Variants in EIF2AK3 observed in about 807,000 individuals in gnomAD.
EIF2AK3 encodes eukaryotic translation initiation factor 2-alpha kinase 3.
In EIF2AK3, 50 loss-of-function variants were observed where a neutral mutation model predicts 113.5. The observed-to-expected ratio is 0.44, with a 90% CI of 0.35 to 0.56. EIF2AK3 has a LOEUF of 0.56. Among genes scored for constraint, EIF2AK3 ranks in the 20% least tolerant of loss-of-function variants. The pLI, the probability that EIF2AK3 is intolerant of heterozygous loss-of-function variation, is 0.00. For missense variants in EIF2AK3, 1,185 were observed against 1,378.0 expected, an observed-to-expected ratio of 0.86 and a Z score of 2.22; for synonymous variants, 448 against 495.4, an observed-to-expected ratio of 0.90 and a Z score of 1.27.
chr2:88,575,345 G>A lies in EIF2AK3; in HGVS notation c.2138C>T (p.Ala713Val). 2 of 1,614,148 alleles carry A rather than the reference G, an allele frequency of 1.2e-6. No homozygotes were observed. The highest frequency in any genetic ancestry group is 1.3e-5 in the African/African-American group (1 of 75,046). ...AGACCTGCTTCTTTGTGGTGAAGGA[G>A]CTATGATTTCAATATGTTCTTTTGT... ...FATKEHIEII[A>V]PSPQRSRSFS... Residue 713 changes from alanine to valine, a missense_variant, in exon 13 of 17, where the codon GCT becomes GTT. Ala to Val is a moderately conservative substitution (Grantham distance 64). Coordinates refer to ENST00000303236, the MANE Select transcript of EIF2AK3 (RefSeq NM_004836.7).
intron 14 of EIF2AK3, among the ~76,000 whole-genome samples, chr2:88,569,898 T>C (rs1674246821): frequency 6.6e-6 from 1 of 152,232 alleles, no homozygotes; most frequent in Non-Finnish European, 1.5e-5. Flanking sequence ...TTTCCTCATG[T>C]ACTTCAGCCA....
intron 15 of EIF2AK3, among the ~76,000 whole-genome samples, chr2:88,561,859 G>C (rs1280877397): frequency 6.6e-6 from 1 of 151,036 alleles, no homozygotes; most frequent in South Asian, 2.1e-4. Flanking sequence ...ACCTTGCCTT[G>C]AGAAAAAAAA....
At chr2:88,578,908 G>A (rs1247406288) in intron 11 of EIF2AK3, among the ~76,000 whole-genome samples, 2 of 151,978 alleles carry the variant, frequency 1.3e-5, no homozygotes, top group African/African-American at 4.8e-5. Flanking sequence ...AAACCAAATT[G>A]TTTAACAATA....
In EIF2AK3 at chr2:88,627,233, C is replaced by T. The variant is rs1319788323; in HGVS notation, c.42G>A (p.Leu14=). The part of the protein sequence containing the change: ...AISPGLLVRA[L]LLLLLLLGLA... ...GCCCCAGCAGCAGCAGCAGCAGCAG[C>T]AGCGCCCGTACCAGCAGCCCCGGGC... is the stretch of plus-strand genomic sequence containing the variant. The change falls in exon 1 of 17, where the codon CTG becomes CTA. Residue 14 remains leucine, a synonymous_variant. Coordinates refer to ENST00000303236, the MANE Select transcript of EIF2AK3 (RefSeq NM_004836.7). The T allele has an allele frequency of 6.8e-7, 1 of 1,480,128 alleles. No individual in the cohort carries two copies. Among genetic ancestry groups the T allele is most frequent in the Non-Finnish European group, 8.9e-7 (1 of 1,121,842 alleles). The allele number at this position is 1,480,128 out of a possible 1,614,324, so 91.7% of individuals were successfully genotyped here. A position where few individuals can be genotyped will look rare whatever the true frequency, so the allele number is the denominator to read the frequency against.
At chr2:88,576,423 T>A in intron 12 of EIF2AK3, 131 bp downstream of exon 12, 4 of 1,375,136 alleles carry the variant, frequency 2.9e-6, no homozygotes, top group Non-Finnish European at 3.9e-6. Flanking sequence ...AGAGAACTTT[T>A]CAAAACATGA....
intron 16 of EIF2AK3, 77 bp downstream of exon 16, chr2:88,558,840 A>G: frequency 1.7e-6 from 2 of 1,181,288 alleles, no homozygotes; most frequent in Non-Finnish European, 2.5e-6. Context: ...AAATAGGGGA[A>G]ACTGAGTCGA....
chr2:88,565,435 G>C lies in EIF2AK3; in HGVS notation c.2986-3045C>G, dbSNP rs186813430. Among the ~76,000 whole-genome samples, 27 of 151,246 alleles carry C rather than the reference G, an allele frequency of 1.8e-4. 1 individual carries two copies. In the East Asian group the frequency reaches 5.3e-3, roughly 29 times the overall value. On this transcript the variant is annotated intron_variant, in intron 14 of 16. Transcript: ENST00000303236. ...GGCTCACTGCAACCTCCACCTCCCA[G>C]CCTCAAGCGATCCTTTCTACTTCAG... is the stretch of plus-strand genomic sequence containing the variant.
chr2:88,573,139 G>A (rs1674359567), intron 13 of EIF2AK3, among the ~76,000 whole-genome samples: 1 of 149,970 alleles, frequency 6.7e-6, no homozygotes, highest in South Asian at 2.1e-4. Flanking sequence ...TGGGGGTGGC[G>A]CACTAGAAAT....
At chr2:88,585,260 G>A (rs1484443618) in intron 9 of EIF2AK3, among the ~76,000 whole-genome samples, 3 of 151,996 alleles carry the variant, frequency 2.0e-5, no homozygotes, top group Admixed American at 6.6e-5. Context: ...CATGGCTTTC[G>A]TGACTGCATA....
intron 15 of EIF2AK3, 59 bp downstream of exon 15, chr2:88,562,230 T>G: frequency 7.1e-7 from 1 of 1,411,790 alleles, no homozygotes; most frequent in Non-Finnish European, 1.0e-6. Context: ...AAAACTCTTT[T>G]GTAAATGTTA....
intron 1 of EIF2AK3, among the ~76,000 whole-genome samples, chr2:88,623,544 C>T (rs145710791): frequency 4.1e-4 from 62 of 152,258 alleles, no homozygotes; most frequent in African/African-American, 1.4e-3. Context: ...TCCACACCTC[C>T]TCCTTTTTAA....
intron 4 of EIF2AK3, among the ~76,000 whole-genome samples, chr2:88,592,908 A>G (rs1452567121): frequency 6.6e-6 from 1 of 152,096 alleles, no homozygotes; most frequent in African/African-American, 2.4e-5. Flanking sequence ...TTATTTTAGG[A>G]CCCACATTGG....
intron 14 of EIF2AK3, among the ~76,000 whole-genome samples, chr2:88,569,495 G>C (rs1674233797): frequency 6.6e-6 from 1 of 152,150 alleles, no homozygotes; most frequent in South Asian, 2.1e-4. Context: ...CTACCAGTGG[G>C]AATTTGATAG....
rs1474801983 is a variant in EIF2AK3 at position 88,588,133 on chromosome 2, A to G, written c.1307-29T>C. 3.6e-6 allele frequency: 5 copies of G among 1,379,428 alleles called. 1 individual carries two copies. In the South Asian group the frequency reaches 6.6e-5, roughly 18 times the overall value. 85.4% of individuals were successfully genotyped at this position (1,379,428 alleles called of 1,614,324 possible). On this transcript the variant is annotated intron_variant, in intron 7 of 16. Transcript: ENST00000303236. The stretch of plus-strand genomic sequence containing the variant: ...AAAGAAAATTATTATTTTCTTAATA[A>G]TAATATTTCTTAAGTCTGAACTGTT...
At chr2:88,612,256 TG>T (rs1268008011) in intron 2 of EIF2AK3, among the ~76,000 whole-genome samples, 1 of 152,208 alleles carries the variant, frequency 6.6e-6, no homozygotes, top group African/African-American at 2.4e-5. Context: ...ACACATGCTT[TG>T]AACTACTACA....
intron 2 of EIF2AK3, among the ~76,000 whole-genome samples, chr2:88,608,710 T>C: frequency 7.9e-6 from 1 of 126,158 alleles, no homozygotes; most frequent in South Asian, 2.9e-4. Flanking sequence ...CTTTTTTTTT[T>C]TTTTTTTTTT....
intron 7 of EIF2AK3, 33 bp from the exon 8 acceptor site, chr2:88,588,137 T>C (rs1432730981): frequency 7.3e-7 from 1 of 1,361,384 alleles, no homozygotes; most frequent in Non-Finnish European, 1.0e-6. Flanking sequence ...TTAATAATAA[T>C]ATTTCTTAAG....
chr2:88,590,627 G>T, intron 5 of EIF2AK3, 22 bp from the exon 6 acceptor site: 1 of 1,610,700 alleles, frequency 6.2e-7, no homozygotes, highest in Non-Finnish European at 8.5e-7. Context: ...TGGAAAAAAG[G>T]TCTTAAATAA....
chr2:88,610,409 T>G (rs1369869088), intron 2 of EIF2AK3, among the ~76,000 whole-genome samples: 1 of 152,184 alleles, frequency 6.6e-6, no homozygotes, highest in East Asian at 1.9e-4. Context: ...GATTCCACAC[T>G]GCAACTAACC....
Sources: gnomAD v4.1 joint callset for allele counts (sites outside exome capture counted in the v4.1 genomes callset) on GRCh38, gnomAD v4.1.1 for gene constraint, MANE v1.5 for transcripts, NCBI Gene and HGNC (gene_info 2026-07-23, HGNC 2026-07-21) for gene names.